Variants in SP140L observed in about 807,000 individuals in gnomAD.
The protein encoded by SP140L is SP140 like nuclear body protein.
In SP140L, 64 loss-of-function variants were observed where a neutral mutation model predicts 84.3. The observed-to-expected ratio is 0.76, with a 90% CI of 0.62 to 0.94. The LOEUF (loss-of-function observed/expected upper bound fraction) is 0.94, where lower values mean the gene tolerates loss of function less well. Ranked by LOEUF, SP140L falls within the 40% of genes least tolerant of loss-of-function variation. The pLI, the probability that SP140L is intolerant of heterozygous loss-of-function variation, is 0.00. For synonymous variants in SP140L, 242 were observed against 236.9 expected, an observed-to-expected ratio of 1.02 and a Z score of -0.20; for missense variants, 628 against 692.5, an observed-to-expected ratio of 0.91 and a Z score of 1.05.
intron 18 of SP140L, among the ~76,000 whole-genome samples, chr2:230,402,061 C>G (rs1419010591): frequency 6.6e-6 from 1 of 152,212 alleles, no homozygotes; most frequent in Non-Finnish European, 1.5e-5. Flanking sequence ...GACAGGAGCT[C>G]AGAGAGAGCA....
At position 230,357,819 on chromosome 2, in the gene SP140L, A is replaced by G. The variant is rs1309507986; in HGVS notation, c.122A>G (p.Asp41Gly). The G allele has an allele frequency of 3.0e-5, 49 of 1,611,252 alleles. No homozygotes were observed. Among genetic ancestry groups the G allele is most frequent in the Non-Finnish European group, 4.0e-5 (47 of 1,179,234 alleles). The stretch of plus-strand genomic sequence containing the variant: ...TTTTTCCTTAGGCTGTTCACGGAAG[A>G]CCAGGATGTAGATGAGGGACTTGTC... ...SQSLQRLFTE[D>G]QDVDEGLVYD... Residue 41 changes from aspartate (D) to glycine (G), a missense_variant, in exon 3 of 19, where the codon GAC (aspartate) becomes GGC (glycine). Transcript: ENST00000415673.
intron 2 of SP140L, among the ~76,000 whole-genome samples, chr2:230,335,442 A>T (rs1201668898): frequency 3.3e-5 from 5 of 152,160 alleles, no homozygotes; most frequent in African/African-American, 4.8e-5. Context: ...TGATTTCCTG[A>T]TTAACCTAAG....
Position 230,389,907 on chromosome 2 carries a change from C to T in SP140L, c.860-12C>T, listed in dbSNP as rs1219338030. The T allele has an allele frequency of 8.1e-6, 13 of 1,612,550 alleles. No homozygotes were observed. Among genetic ancestry groups the T allele is most frequent in the Admixed American group, 1.7e-5 (1 of 59,936 alleles). On this transcript the variant is annotated splice_polypyrimidine_tract_variant and intron_variant, in intron 10 of 18. Coordinates refer to ENST00000415673, the MANE Select transcript of SP140L (RefSeq NM_138402.6). ...GCAAAGTGAGACAGAATGAAGAAAT[C>T]CTCTCTTTCAGCTTCAAGAAAGCAC...
chr2:230,339,851 G>A (rs2059986646), intron 2 of SP140L, among the ~76,000 whole-genome samples: 1 of 146,168 alleles, frequency 6.8e-6, no homozygotes, highest in African/African-American at 2.6e-5. Flanking sequence ...TTGCACTGTG[G>A]TCTGAGAGAT....
At chr2:230,390,442 T>C (rs562653584) in intron 11 of SP140L, among the ~76,000 whole-genome samples, 40 of 152,288 alleles carry the variant, frequency 2.6e-4, no homozygotes, top group African/African-American at 9.6e-4. Context: ...GTTCCAGCCT[T>C]GGCTGTGCCA....
At chr2:230,369,449 G>A (rs79559924) in intron 5 of SP140L, among the ~76,000 whole-genome samples, 1 of 152,342 alleles carries the variant, frequency 6.6e-6, no homozygotes, top group East Asian at 1.9e-4. Flanking sequence ...GATTCAGCCT[G>A]GGTTCAGTGT....
Position 230,385,301 on chromosome 2 carries a change from A to G in SP140L, c.781A>G (p.Arg261Gly). Residue 261 changes from arginine (R) to glycine (G), a missense_variant, in exon 9 of 19, where the codon AGG (arginine) becomes GGG (glycine). Arg to Gly is a moderately radical substitution (Grantham distance 125). Transcript: ENST00000415673. ...NMNLKDLSKI[R>G]GRKRGKPGTH... is the part of the protein sequence containing the mutation. ...GAATCTGAAAGACCTTTCCAAGATT[A>G]GGGGTAAGATAAAGTTGGTACCACT... 1 of 1,613,560 alleles carries G rather than the reference A, an allele frequency of 6.2e-7. No homozygotes were observed. The highest frequency in any genetic ancestry group is 8.5e-7 in the Non-Finnish European group (1 of 1,179,592).
intron 2 of SP140L, among the ~76,000 whole-genome samples, chr2:230,332,248 A>C (rs2059744790): frequency 6.6e-6 from 1 of 152,226 alleles, no homozygotes; most frequent in African/African-American, 2.4e-5. Context: ...TTCCAAAGTA[A>C]AACATACATA....
At chr2:230,369,046 A>G (rs13384919) in intron 5 of SP140L, among the ~76,000 whole-genome samples, 7 of 152,104 alleles carry the variant, frequency 4.6e-5, no homozygotes, top group African/African-American at 1.7e-4. Flanking sequence ...CCTTGCATTT[A>G]TATCTGTGCA....
intron 2 of SP140L, among the ~76,000 whole-genome samples, chr2:230,346,940 AT>A (rs1299653896): frequency 6.6e-6 from 1 of 151,944 alleles, no homozygotes; most frequent in African/African-American, 2.4e-5. Context: ...TTTTTTGCTG[AT>A]TTTTTATGAT....
intron 14 of SP140L, among the ~76,000 whole-genome samples, chr2:230,398,843 G>T (rs557615097): frequency 6.2e-4 from 95 of 152,348 alleles, no homozygotes; most frequent in Non-Finnish European, 1.0e-3. Context: ...GGCTGTCCCC[G>T]GCTTCCAGAG....
intron 5 of SP140L, among the ~76,000 whole-genome samples, chr2:230,370,325 C>G (rs1034399065): frequency 6.6e-6 from 1 of 152,038 alleles, no homozygotes; most frequent in Non-Finnish European, 1.5e-5. Context: ...GAACTCTTCT[C>G]TGGTCACTGT....
intron 14 of SP140L, among the ~76,000 whole-genome samples, 157 bp downstream of exon 14, chr2:230,396,955 T>A (rs1284630940): frequency 6.6e-6 from 1 of 152,224 alleles, no homozygotes; most frequent in Non-Finnish European, 1.5e-5. Flanking sequence ...CAGGTAGATG[T>A]GCTTGGGCCT....
intron 2 of SP140L, among the ~76,000 whole-genome samples, chr2:230,354,844 GAAAGGAA>G (rs1277110381): frequency 1.2e-5 from 1 of 83,806 alleles, no homozygotes; most frequent in Non-Finnish European, 2.3e-5. Flanking sequence ...AAGAAAGAAA[GAAAGGAA>G]AGAAAGAAAG....
rs11692506 is a variant in SP140L at position 230,403,210 on chromosome 2, G to T, written c.*314G>T. On this transcript the variant is annotated 3_prime_UTR_variant, in exon 19 of 19. Transcript: ENST00000415673. ...ATTACTCACAAGACCTTTTTCCTCCGTTTTTTTTTTGAGATGGAGTCTCAC... is the reference window on the plus strand; with the variant it reads ...ATTACTCACAAGACCTTTTTCCTCCTTTTTTTTTTTGAGATGGAGTCTCAC... 87 of 206,034 alleles carry T rather than the reference G, an allele frequency of 4.2e-4. No individual in the cohort carries two copies. In the Middle Eastern group the frequency reaches 5.4e-3, roughly 13 times the overall value. 12.8% of individuals were successfully genotyped at this position (206,034 alleles called of 1,614,324 possible).
At chr2:230,376,334 T>A (rs919226287) in intron 7 of SP140L, among the ~76,000 whole-genome samples, 1 of 152,176 alleles carries the variant, frequency 6.6e-6, no homozygotes, top group African/African-American at 2.4e-5. Flanking sequence ...GACATTATCT[T>A]CTACGTAGAA....
rs1467760732 is a variant in SP140L, at chr2:230,392,094, G to A, written c.972G>A (p.Leu324=). 1 of 1,613,852 alleles carries A rather than the reference G, an allele frequency of 6.2e-7. No homozygotes were observed. The highest frequency in any genetic ancestry group is 8.5e-7 in the Non-Finnish European group (1 of 1,179,818). The change falls in exon 12 of 19, where the codon TTG becomes TTA. Residue 324 remains leucine, a synonymous_variant. Transcript: ENST00000415673. ...LHKEKLEQGT[L]AKCIQTEDGK... is the part of the protein sequence containing the mutation. ...GTTACCCTGGTCTTACAGGAACCTTGGCAAAGTGTATACAGACTGAGGATG... is the reference window on the plus strand; with the variant it reads ...GTTACCCTGGTCTTACAGGAACCTTAGCAAAGTGTATACAGACTGAGGATG...
At chr2:230,357,648 G>GT (rs1481705439) in intron 2 of SP140L, among the ~76,000 whole-genome samples, 157 bp from the exon 3 acceptor site, 1 of 151,916 alleles carries the variant, frequency 6.6e-6, no homozygotes, top group Non-Finnish European at 1.5e-5. Context: ...ATTTTTGTTT[G>GT]TTGCTTCAAT....
At position 230,387,319 on chromosome 2, in the gene SP140L, G is replaced by T. The variant is rs189094487; in HGVS notation, c.785-1240G>T. Among the ~76,000 whole-genome samples the T allele has an allele frequency of 2.1e-3, 315 of 152,288 alleles. 2 individuals carry two copies. Among genetic ancestry groups the T allele is most frequent in the African/African-American group, 7.1e-3 (295 of 41,556 alleles). Reference sequence around the variant, plus strand: ...TGTTATCTTGGTTAAATATTAACAGGATGACAACTTGCAAATTTGAAACTT... The same window carrying T: ...TGTTATCTTGGTTAAATATTAACAGTATGACAACTTGCAAATTTGAAACTT... On this transcript the variant is annotated intron_variant, in intron 9 of 18. Coordinates refer to ENST00000415673, the MANE Select transcript of SP140L (RefSeq NM_138402.6).
Sources: allele counts gnomAD v4.1 joint callset (sites outside exome capture counted in the v4.1 genomes callset), GRCh38; gene constraint gnomAD v4.1.1; transcripts MANE v1.5; gene names NCBI Gene and HGNC (gene_info 2026-07-23, HGNC 2026-07-21).